Variants in ADAMTSL1 observed in about 807,000 individuals in gnomAD.
ADAMTSL1 encodes ADAMTS-like protein 1.
A neutral mutation model predicts 201.8 loss-of-function variants in ADAMTSL1; 126 were observed. That is an observed-to-expected ratio of 0.62 (90% CI 0.54 to 0.72). The LOEUF (loss-of-function observed/expected upper bound fraction) is 0.72. ADAMTSL1 is among the 30% of genes least tolerant of loss of function. ADAMTSL1 has a pLI of 0.00. For synonymous variants in ADAMTSL1, 1,121 were observed against 903.4 expected, an observed-to-expected ratio of 1.24 and a Z score of -4.32; for missense variants, 2,679 against 2,277.8, an observed-to-expected ratio of 1.18 and a Z score of -3.59.
intron 2 of ADAMTSL1, among the ~76,000 whole-genome samples, chr9:18,223,044 T>C (rs1393808692): frequency 6.6e-6 from 1 of 152,056 alleles, no homozygotes. Flanking sequence ...CATTTTAATT[T>C]ATTCTTCCTC....
At chr9:18,328,817 C>T (rs1428136444) in intron 2 of ADAMTSL1, among the ~76,000 whole-genome samples, 1 of 152,144 alleles carries the variant, frequency 6.6e-6, no homozygotes, top group Non-Finnish European at 1.5e-5. Flanking sequence ...GGGTCACTGA[C>T]CCTGGAGGAT....
At chr9:18,013,825 A>T (rs1041468521) in intron 1 of ADAMTSL1, among the ~76,000 whole-genome samples, 1 of 152,024 alleles carries the variant, frequency 6.6e-6, no homozygotes, top group African/African-American at 2.4e-5. Flanking sequence ...GGAGCTTCTC[A>T]TCTTGCCAGT....
chr9:17,967,570 A>T (rs1818027230), intron 1 of ADAMTSL1, among the ~76,000 whole-genome samples: 1 of 152,072 alleles, frequency 6.6e-6, no homozygotes. Flanking sequence ...GATGACAAAA[A>T]AGAGGCTTAG....
At chr9:18,753,208 T>G in intron 15 of ADAMTSL1, 90 bp from the exon 16 acceptor site, 2 of 1,279,024 alleles carry the variant, frequency 1.6e-6, no homozygotes, top group Non-Finnish European at 2.2e-6. Context: ...ACTTTCCCAG[T>G]TAGGGGTTTT....
intron 1 of ADAMTSL1, among the ~76,000 whole-genome samples, chr9:17,934,670 A>G (rs925007033): frequency 6.6e-6 from 1 of 152,024 alleles, no homozygotes; most frequent in Non-Finnish European, 1.5e-5. Flanking sequence ...TATCCCTCAT[A>G]GCTTCTTATT....
rs147110447 is a variant in ADAMTSL1 at position 18,332,945 on chromosome 9, C to T, written c.207+168964C>T. Among the ~76,000 whole-genome samples, 27 of 152,176 alleles carry T rather than the reference C, an allele frequency of 1.8e-4. No individual in the cohort carries two copies. In the East Asian group the frequency reaches 4.8e-3, roughly 27 times the overall value. ...CTGAGTCTGTTTCATCATCTGTAAG[C>T]GTATGAGGAATAAAATGGTATTATG... On this transcript the variant is annotated intron_variant, in intron 2 of 29. Coordinates refer to the ADAMTSL1 transcript ENST00000680146.
At position 18,211,611 on chromosome 9, in the gene ADAMTSL1, G is replaced by A. The variant is rs1043066291; in HGVS notation, c.207+47630G>A. 2.0e-5 allele frequency among the ~76,000 whole-genome samples: 3 copies of A among 152,168 alleles called. No homozygotes were observed. The South Asian group carries it at 6.2e-4, about 31-fold the overall frequency. ...ACTCAGCCAAATTGACATCTGTGGG[G>A]AAGTACCTAAATCAATATCCAATGT... On this transcript the variant is annotated intron_variant, in intron 2 of 29. Transcript: ENST00000680146.
chr9:18,826,023 G>C (rs1824531587), intron 21 of ADAMTSL1: 2 of 589,282 alleles, frequency 3.4e-6, no homozygotes, highest in Non-Finnish European at 6.0e-6. Context: ...ATCACTGTAA[G>C]TTTAAAAGGC....
chr9:18,837,712 T>A (rs989088376), intron 23 of ADAMTSL1, among the ~76,000 whole-genome samples: 1 of 152,232 alleles, frequency 6.6e-6, no homozygotes, highest in African/African-American at 2.4e-5. Flanking sequence ...CCCATTAATT[T>A]ACCCAAGTGT....
At chr9:18,376,183 A>C (rs1007608699) in intron 2 of ADAMTSL1, among the ~76,000 whole-genome samples, 4 of 152,248 alleles carry the variant, frequency 2.6e-5, no homozygotes, top group African/African-American at 9.6e-5. Flanking sequence ...CCAAAGTAAA[A>C]TAATCATAAA....
rs201005022 is a variant in ADAMTSL1, at chr9:18,675,916, A to G, written c.1136+9A>G. 4.3e-6 allele frequency: 7 copies of G among 1,611,954 alleles called. No homozygotes were observed. The highest frequency in any genetic ancestry group is 1.7e-5 in the Admixed American group (1 of 59,974). ...TACCATCCCCTTCCTCGGTACGTAA[A>G]TCAATCATCCTGATGTTAGAATTAG... On this transcript the variant is annotated intron_variant, in intron 10 of 28. Coordinates refer to ENST00000380548, the MANE Select transcript of ADAMTSL1 (RefSeq NM_001040272.6).
intron 2 of ADAMTSL1, among the ~76,000 whole-genome samples, chr9:18,170,071 T>C (rs1367355585): frequency 6.6e-6 from 1 of 151,718 alleles, no homozygotes. Context: ...ACATAGTTTG[T>C]AAAATCTGTT....
intron 2 of ADAMTSL1, among the ~76,000 whole-genome samples, chr9:18,327,580 T>TG (rs942858053): frequency 1.3e-5 from 2 of 152,142 alleles, no homozygotes; most frequent in African/African-American, 4.8e-5. Context: ...CTTGGGGACT[T>TG]GGGGTTTCTA....
chr9:18,205,662 C>A (rs181459049), intron 2 of ADAMTSL1, among the ~76,000 whole-genome samples: 2 of 152,050 alleles, frequency 1.3e-5, no homozygotes, highest in African/African-American at 4.8e-5. Context: ...GATGTTCTCT[C>A]CTGTGAATTC....
At chr9:18,594,349 A>G (rs370529689) in intron 4 of ADAMTSL1, among the ~76,000 whole-genome samples, 1 of 152,210 alleles carries the variant, frequency 6.6e-6, no homozygotes, top group African/African-American at 2.4e-5. Flanking sequence ...ACTTTCCTGT[A>G]TCTGGATACT....
At chr9:18,848,100 TG>T (rs1465351940) in intron 23 of ADAMTSL1, among the ~76,000 whole-genome samples, 1 of 152,230 alleles carries the variant, frequency 6.6e-6, no homozygotes, top group Non-Finnish European at 1.5e-5. Flanking sequence ...TCACATGTGC[TG>T]GGCACCTGCT....
chr9:18,532,939 T>A (rs866718157), intron 2 of ADAMTSL1, among the ~76,000 whole-genome samples: 3 of 152,064 alleles, frequency 2.0e-5, no homozygotes, highest in Middle Eastern at 3.4e-3. Flanking sequence ...AAGGATTAAT[T>A]GAATGTCAGT....
chr9:18,605,003 A>C (rs917386454), intron 4 of ADAMTSL1, among the ~76,000 whole-genome samples: 1 of 152,186 alleles, frequency 6.6e-6, no homozygotes, highest in African/African-American at 2.4e-5. Context: ...GTTGATTAAA[A>C]GACATGCTCA....
intron 5 of ADAMTSL1, among the ~76,000 whole-genome samples, chr9:18,634,495 T>G (rs951402778): frequency 2.0e-5 from 3 of 151,526 alleles, no homozygotes; most frequent in Non-Finnish European, 4.4e-5. Context: ...CCCGGGAAGC[T>G]AAGGCTGCAG....
Sources: gnomAD v4.1 joint callset for allele counts (sites outside exome capture counted in the v4.1 genomes callset) on GRCh38, gnomAD v4.1.1 for gene constraint, MANE v1.5 for transcripts, NCBI Gene and HGNC (gene_info 2026-07-23, HGNC 2026-07-21) for gene names.